ATP8B4: variants seen among roughly 807,000 people sequenced by gnomAD.
ATP8B4 encodes ATPase phospholipid transporting 8B4 (putative).
In ATP8B4, 133 loss-of-function variants were observed where a neutral mutation model predicts 145.6. The ratio of observed to expected loss-of-function variants is 0.91; its 90% confidence interval spans 0.79 to 1.05. ATP8B4 has a LOEUF of 1.05. Among genes scored for constraint, ATP8B4 ranks in the 50% least tolerant of loss-of-function variants. ATP8B4 has a pLI of 0.00. For synonymous variants in ATP8B4, 507 were observed against 492.9 expected (o/e 1.03, Z -0.38); for missense variants, 1,458 against 1,425.2 (o/e 1.02, Z -0.37).
rs761544085 is a variant in ATP8B4, at chr15:49,901,083, C to T, written c.2289+9G>A. 12 of 1,609,820 alleles carry T rather than the reference C, an allele frequency of 7.5e-6. No individual in the cohort carries two copies. The highest frequency in any genetic ancestry group is 1.0e-5 in the Non-Finnish European group (12 of 1,177,708). On this transcript the variant is annotated intron_variant, in intron 21 of 27. Coordinates refer to ENST00000284509, the MANE Select transcript of ATP8B4 (RefSeq NM_024837.4). ...AAAAAGAAAGGACAAAAACCTTAGG[C>T]AAACTCACCAAACTGTGGCCATTTA...
chr15:49,879,875 A>G (rs1048180539), intron 23 of ATP8B4: 3 of 154,408 alleles, frequency 1.9e-5, no homozygotes, highest in African/African-American at 7.2e-5. Context: ...TCAGAGATAA[A>G]TATAGTAATA....
intron 1 of ATP8B4, among the ~76,000 whole-genome samples, chr15:50,137,487 A>G (rs1199422165): frequency 1.3e-5 from 2 of 152,204 alleles, no homozygotes; most frequent in Non-Finnish European, 2.9e-5. Context: ...CAATCACCGA[A>G]TGACATTTAA....
rs753163809 is a variant in ATP8B4, at chr15:49,860,202, T to G, written c.3571A>C (p.Lys1191Gln). The G allele has an allele frequency of 3.7e-6, 6 of 1,609,332 alleles. No homozygotes were observed. Among genetic ancestry groups the G allele is most frequent in the Non-Finnish European group, 4.2e-6 (5 of 1,177,878 alleles). ...TTTAAATTCATATTGACTCACAGTT[T>G]CACTGTTTTATCCTGGCTAAAGCTG... ...VSSFSQDKTV[K>Q]L Residue 1191 changes from lysine to glutamine, a missense_variant, in exon 28 of 28, where the codon AAA becomes CAA. Coordinates refer to ENST00000284509, the MANE Select transcript of ATP8B4 (RefSeq NM_024837.4).
chr15:49,901,067 G>A (rs1459500607), intron 21 of ATP8B4, 25 bp downstream of exon 21: 1 of 1,605,594 alleles, frequency 6.2e-7, no homozygotes, highest in Non-Finnish European at 8.5e-7. Flanking sequence ...GAAAAAGAAA[G>A]GACAAAAACC....
chr15:49,969,227 G>C (rs2044848642), intron 13 of ATP8B4, among the ~76,000 whole-genome samples: 1 of 152,024 alleles, frequency 6.6e-6, no homozygotes, highest in Non-Finnish European at 1.5e-5. Flanking sequence ...AGAGAATAAA[G>C]AGCAAACAAA....
chr15:49,933,629 CTAATAA>C (rs1408327525), intron 15 of ATP8B4, among the ~76,000 whole-genome samples: 2 of 152,042 alleles, frequency 1.3e-5, no homozygotes, highest in Non-Finnish European at 2.9e-5. Context: ...GATATGCATA[CTAATAA>C]TGAGAGATGT....
At chr15:50,037,215 A>G (rs2050904940) in intron 6 of ATP8B4, among the ~76,000 whole-genome samples, 1 of 152,248 alleles carries the variant, frequency 6.6e-6, no homozygotes, top group Non-Finnish European at 1.5e-5. Context: ...TACTTTTAAC[A>G]CACTTTATAT....
chr15:49,888,165 G>A (rs1363804086), intron 23 of ATP8B4, among the ~76,000 whole-genome samples: 1 of 152,190 alleles, frequency 6.6e-6, no homozygotes, highest in African/African-American at 2.4e-5. Flanking sequence ...CAGCATCCAG[G>A]AGGAGTGACC....
At chr15:49,978,820 G>C (rs1434562269) in intron 12 of ATP8B4, among the ~76,000 whole-genome samples, 1 of 149,840 alleles carries the variant, frequency 6.7e-6, no homozygotes, top group Non-Finnish European at 1.5e-5. Context: ...AGAGGGGTGT[G>C]TGTGTGTGTG....
At chr15:50,046,024 A>T (rs1026426836) in intron 4 of ATP8B4, among the ~76,000 whole-genome samples, 8 of 152,202 alleles carry the variant, frequency 5.3e-5, no homozygotes, top group Admixed American at 3.9e-4. Flanking sequence ...CTTCTCAAAT[A>T]TACTCCTATT....
rs2042993169 is a variant in ATP8B4, at chr15:49,950,606, ACAAACAAACAAAC to A, written c.1287+11358_1287+11370del. Among the ~76,000 whole-genome samples, 3 of 106,976 alleles carry A rather than the reference ACAAACAAACAAAC, an allele frequency of 2.8e-5. 1 individual carries two copies. The highest frequency in any genetic ancestry group is 6.0e-4 in the East Asian group (2 of 3,314). 70.2% of individuals were successfully genotyped at this position (106,976 alleles called of 152,430 possible). ...TGTATTAACTAAAAAAAAAAAACAAACAAACAAACAAACAAAAAAAACAACAACAACAACAAAA... is the reference window on the plus strand; with the variant it reads ...TGTATTAACTAAAAAAAAAAAACAAAAAAAAAAACAACAACAACAACAAAA... On this transcript the variant is annotated intron_variant, in intron 14 of 27. Coordinates refer to ENST00000284509, the MANE Select transcript of ATP8B4 (RefSeq NM_024837.4).
At chr15:50,045,996 C>A (rs1331796954) in intron 4 of ATP8B4, among the ~76,000 whole-genome samples, 1 of 152,124 alleles carries the variant, frequency 6.6e-6, no homozygotes, top group African/African-American at 2.4e-5. Flanking sequence ...TTTTTGTTTT[C>A]CTGATCAGCA....
rs958091831 is a variant in ATP8B4 at position 50,066,127 on chromosome 15, T to C, written c.87+8000A>G. Among the ~76,000 whole-genome samples, 5 of 152,060 alleles carry C rather than the reference T, an allele frequency of 3.3e-5. No homozygotes were observed. The East Asian group carries it at 7.7e-4, about 23-fold the overall frequency. The stretch of plus-strand genomic sequence containing the variant: ...ATGTCAAAAAGATAAAAAATATTTA[T>C]GTTTTTATACTCTTGAATCCAGAAA... On this transcript the variant is annotated intron_variant, in intron 3 of 27. Coordinates refer to ENST00000284509, the MANE Select transcript of ATP8B4 (RefSeq NM_024837.4).
At chr15:50,099,271 T>A (rs1188163755) in intron 2 of ATP8B4, among the ~76,000 whole-genome samples, 1 of 152,056 alleles carries the variant, frequency 6.6e-6, no homozygotes, top group Non-Finnish European at 1.5e-5. Flanking sequence ...ATGTGTACAA[T>A]TTTTTTTCTT....
intron 2 of ATP8B4, among the ~76,000 whole-genome samples, chr15:50,089,872 G>A (rs146582505): frequency 0.19 from 28,967 of 152,044 alleles, 3,390 homozygotes; most frequent in Non-Finnish European, 0.27. Context: ...GTATATACCC[G>A]AAGGAATATA....
At chr15:50,068,543 T>C (rs1600172424) in intron 3 of ATP8B4, among the ~76,000 whole-genome samples, 1 of 152,202 alleles carries the variant, frequency 6.6e-6, no homozygotes, top group East Asian at 1.9e-4. Flanking sequence ...TACATAAGCC[T>C]ATGCACTTCC....
chr15:50,177,505 A>G (rs1217882455), intron 1 of ATP8B4, among the ~76,000 whole-genome samples: 5 of 152,232 alleles, frequency 3.3e-5, no homozygotes, highest in African/African-American at 4.8e-5. Context: ...ATTTAAAGGA[A>G]AATGTTTGGG....
chr15:50,059,213 C>T (rs1488617442), intron 3 of ATP8B4, among the ~76,000 whole-genome samples: 2 of 152,056 alleles, frequency 1.3e-5, no homozygotes, highest in African/African-American at 4.8e-5. Context: ...TAGGAGCCAA[C>T]AAGGAGATTC....
intron 1 of ATP8B4, among the ~76,000 whole-genome samples, chr15:50,137,052 C>T (rs2153679438): frequency 6.6e-6 from 1 of 152,314 alleles, no homozygotes; most frequent in East Asian, 1.9e-4. Flanking sequence ...ATCCCCATAG[C>T]TTTTGGACAT....
Sources: allele counts gnomAD v4.1 joint callset (sites outside exome capture counted in the v4.1 genomes callset), GRCh38; gene constraint gnomAD v4.1.1; transcripts MANE v1.5; gene names NCBI Gene and HGNC (gene_info 2026-07-23, HGNC 2026-07-21).